The following ATXN1L variants were observed in gnomAD, a reference collection of about 807,000 sequenced individuals.
ATXN1L encodes the protein ataxin-1-like.
In ATXN1L, 8 loss-of-function variants were observed where a neutral mutation model predicts 43.4. The ratio of observed to expected loss-of-function variants is 0.18; its 90% CI spans 0.11 to 0.33. The LOEUF (loss-of-function observed/expected upper bound fraction) is 0.33, where lower values mean the gene tolerates loss of function less well. ATXN1L is among the 10% of genes least tolerant of loss of function. ATXN1L has a pLI of 1.00. For synonymous variants in ATXN1L, 379 were observed against 360.6 expected, an observed-to-expected ratio of 1.05 and a Z score of -0.58; for missense variants, 856 against 885.4, an observed-to-expected ratio of 0.97 and a Z score of 0.42.
intron 2 of ATXN1L, chr16:71,848,389 G>A: frequency 4.9e-6 from 1 of 202,122 alleles, no homozygotes; most frequent in South Asian, 6.2e-5. Context: ...AGTGGTGCCT[G>A]GAGCAGACCT....
In ATXN1L at chr16:71,851,626, G is replaced by C; in HGVS notation, c.1886G>C (p.Gly629Ala). The change falls in exon 3 of 3, where the codon GGA (glycine) becomes GCA (alanine). Residue 629 changes from glycine (G) to alanine (A), a missense_variant. By Grantham distance (60) the Gly-to-Ala change is moderately conservative (BLOSUM62 0). This residue lies in a region of ATXN1L where 185 missense variants were observed against 176.8 expected (regional missense o/e 1.05). Transcript: ENST00000427980. The surrounding 1 kb of genome is among the most constrained non-coding windows in gnomAD (Gnocchi z 4.9). ...AGTGAGGGGAAGAGCCAGCCGGCAGGAGAGGGCTCCCGTGTGGTAGAGCCT... is the reference window on the plus strand; with the variant it reads ...AGTGAGGGGAAGAGCCAGCCGGCAGCAGAGGGCTCCCGTGTGGTAGAGCCT... ...CDSEGKSQPA[G>A]EGSRVVEPSQ... 2 of 1,538,250 alleles carry C rather than the reference G, an allele frequency of 1.3e-6. No homozygotes were observed. The highest frequency in any genetic ancestry group is 1.8e-6 in the Non-Finnish European group (2 of 1,137,058).
chr16:71,847,944 A>C (rs1455535748), intron 1 of ATXN1L, 66 bp from the exon 2 acceptor site: 1 of 445,464 alleles, frequency 2.2e-6, no homozygotes, highest in Non-Finnish European at 4.5e-6. Flanking sequence ...ATTACCTTTC[A>C]TGGTGACCCT....
intron 1 of ATXN1L, among the ~76,000 whole-genome samples, chr16:71,846,671 C>T (rs2033447045): frequency 6.6e-6 from 1 of 152,202 alleles, no homozygotes; most frequent in South Asian, 2.1e-4. Context: ...AGCCTGTTAG[C>T]TCGGTTGGGG....
In ATXN1L at chr16:71,851,372, C is replaced by T. The variant is rs2142322749; in HGVS notation, c.1632C>T (p.Pro544=). 6.4e-7 allele frequency: 1 copy of T among 1,551,614 alleles called. No individual in the cohort carries two copies. The highest frequency in any genetic ancestry group is 1.2e-5 in the South Asian group (1 of 84,050). Residue 544 remains proline (P), a synonymous_variant, in exon 3 of 3, where the codon CCC becomes CCT. Transcript: ENST00000427980. The surrounding 1 kb of genome is among the most constrained non-coding windows in gnomAD (Gnocchi z 4.9). ...GCATCGAAGTGCCCCCCGAGCACCCCTTCTTTGTATATGGCCAGGGTTGGT... is the reference window on the plus strand; with the variant it reads ...GCATCGAAGTGCCCCCCGAGCACCCTTTCTTTGTATATGGCCAGGGTTGGT... ...KVSIEVPPEH[P]FFVYGQGWSS...
rs1472135035 is a variant in ATXN1L, at chr16:71,850,067, G to A, written c.327G>A (p.Thr109=). The change falls in exon 3 of 3, where the codon ACG becomes ACA. Residue 109 remains threonine (T), a synonymous_variant. Transcript: ENST00000427980. Reference sequence around the variant, plus strand: ...TGAATATGAGTCCCTTGCCCCCAACGTTTAATGTAGCGTCTTCACTAATTC... The same window carrying A: ...TGAATATGAGTCCCTTGCCCCCAACATTTAATGTAGCGTCTTCACTAATTC... ...SVVNMSPLPP[T]FNVASSLIQH... is the part of the protein sequence containing the mutation. The A allele has an allele frequency of 3.2e-6, 5 of 1,551,662 alleles. No homozygotes were observed. The highest frequency in any genetic ancestry group is 3.5e-6 in the Non-Finnish European group (4 of 1,146,996).
In ATXN1L at chr16:71,850,153, A is replaced by C. The variant is rs1363439019; in HGVS notation, c.413A>C (p.Gln138Pro). ...HYAQLPSTSLQFIGSPYSLPY... is the reference protein window; with the variant it reads ...HYAQLPSTSLPFIGSPYSLPY... ...GCTCAGCTCCCATCCACCTCGCTGC[A>C]GTTCATTGGGTCTCCTTATAGCCTT... The change falls in exon 3 of 3, where the codon CAG becomes CCG. Residue 138 changes from glutamine to proline, a missense_variant. Transcript: ENST00000427980. The C allele has an allele frequency of 1.9e-6, 3 of 1,551,734 alleles. No individual in the cohort carries two copies.
chr16:71,848,448 A>G (rs2033465710), intron 2 of ATXN1L: 1 of 160,448 alleles, frequency 6.2e-6, no homozygotes, highest in Admixed American at 6.4e-5. Flanking sequence ...GAAAAAAGAA[A>G]GGGAATGAAT....
Position 71,850,878 on chromosome 16 carries a change from G to A in ATXN1L, c.1138G>A (p.Ala380Thr). 6.4e-7 allele frequency: 1 copy of A among 1,551,730 alleles called. No homozygotes were observed. The highest frequency in any genetic ancestry group is 2.4e-5 in the East Asian group (1 of 40,922). The change falls in exon 3 of 3, where the codon GCC (alanine) becomes ACC (threonine). Residue 380 changes from alanine (A) to threonine (T), a missense_variant. Around this residue, in one of 7 missense-constraint regions of ATXN1L, gnomAD observed 490 missense variants for 449.4 expected, o/e 1.09. Transcript: ENST00000427980. The part of the protein sequence containing the change: ...PDHQGEGRGS[A>T]RNPAELAEKS... ...CCATCAGGGTGAGGGGCGAGGGTCAGCCAGGAACCCTGCAGAGCTGGCAGA... is the reference window on the plus strand; with the variant it reads ...CCATCAGGGTGAGGGGCGAGGGTCAACCAGGAACCCTGCAGAGCTGGCAGA...
chr16:71,851,559 A>G lies in ATXN1L; in HGVS notation c.1819A>G (p.Arg607Gly). ...AAGCCAGCTGGGTCCCCCCCGAGAA[A>G]GGCCTGAGAGGACGGTCTTGGGATC... is the stretch of plus-strand genomic sequence containing the variant. ...PPSQLGPPRE[R>G]PERTVLGSRE... The change falls in exon 3 of 3, where the codon AGG (arginine) becomes GGG (glycine). Residue 607 changes from arginine to glycine, a missense_variant. Physicochemically the swap from Arg to Gly is moderately radical, Grantham distance 125 (BLOSUM62 -2). Transcript: ENST00000427980. This position sits in a 1 kb window ranked among gnomAD's most constrained non-coding sequence, Gnocchi z 4.9. 1 of 1,551,204 alleles carries G rather than the reference A, an allele frequency of 6.4e-7. No individual in the cohort carries two copies. The highest frequency in any genetic ancestry group is 8.7e-7 in the Non-Finnish European group (1 of 1,146,878).
chr16:71,846,993 C>T (rs1016619473), intron 1 of ATXN1L, among the ~76,000 whole-genome samples: 4 of 152,026 alleles, frequency 2.6e-5, no homozygotes, highest in African/African-American at 9.7e-5. Context: ...ATTAAAGCTG[C>T]TGGTGGAGAA....
chr16:71,851,020 C>T lies in ATXN1L; in HGVS notation c.1280C>T (p.Ser427Leu). Residue 427 changes from serine (S) to leucine (L), a missense_variant, in exon 3 of 3, where the codon TCA (serine) becomes TTA (leucine). Physicochemically the swap from Ser to Leu is moderately radical, Grantham distance 145. This residue lies in a region of ATXN1L where 490 missense variants were observed against 449.4 expected (regional missense o/e 1.09). Coordinates refer to ENST00000427980, the MANE Select transcript of ATXN1L (RefSeq NM_001137675.4). This position sits in a 1 kb window ranked among gnomAD's most constrained non-coding sequence, Gnocchi z 4.9. Reference sequence around the variant, plus strand: ...AACCTGGTGCCCACTGGAACTGACTCAGGCCTGCTGCCTGTGGGCTCGGAG... The same window carrying T: ...AACCTGGTGCCCACTGGAACTGACTTAGGCCTGCTGCCTGTGGGCTCGGAG... ...NGNLVPTGTD[S>L]GLLPVGSEIL... The T allele has an allele frequency of 6.4e-7, 1 of 1,551,724 alleles. No homozygotes were observed. The highest frequency in any genetic ancestry group is 8.7e-7 in the Non-Finnish European group (1 of 1,147,000).
intron 2 of ATXN1L, chr16:71,848,278 G>A (rs2033463394): frequency 3.4e-6 from 1 of 297,882 alleles, no homozygotes; most frequent in Non-Finnish European, 6.7e-6. Context: ...ATTTGTGAAA[G>A]GTGACAATAA....
chr16:71,851,430 T>C lies in ATXN1L; in HGVS notation c.1690T>C (p.Phe564Leu). 1.3e-6 allele frequency: 2 copies of C among 1,551,622 alleles called. No individual in the cohort carries two copies. The highest frequency in any genetic ancestry group is 1.7e-6 in the Non-Finnish European group (2 of 1,146,974). ...SCSPGRTTQL[F>L]SLPCHRLQVG... ...CAGCCCTGGGCGGACGACACAACTC[T>C]TCTCTCTGCCCTGCCATCGGCTACA... is the stretch of plus-strand genomic sequence containing the variant. The change falls in exon 3 of 3, where the codon TTC becomes CTC. Residue 564 changes from phenylalanine to leucine, a missense_variant. Transcript: ENST00000427980. This position sits in a 1 kb window ranked among gnomAD's most constrained non-coding sequence, Gnocchi z 4.9.
rs908626681 is a variant in ATXN1L, at chr16:71,855,692, C to T, written c.*3882C>T. On this transcript the variant is annotated 3_prime_UTR_variant, in exon 3 of 3. Transcript: ENST00000427980. ...TCCATTGGAGTAAAGATAACCTAGT[C>T]GATTGAATTGGCCATGGGAAGTTAG... The T allele has an allele frequency of 1.8e-5, 3 of 166,974 alleles. No individual in the cohort carries two copies. Among genetic ancestry groups the T allele is most frequent in the African/African-American group, 4.8e-5 (2 of 41,384 alleles). 10.3% of individuals were successfully genotyped at this position (166,974 alleles called of 1,614,324 possible). A position where few individuals can be genotyped will look rare whatever the true frequency, so the allele number is the denominator to read the frequency against.
rs1219728909 is a variant in ATXN1L, at chr16:71,853,661, G to A, written c.*1851G>A. On this transcript the variant is annotated 3_prime_UTR_variant, in exon 3 of 3. Coordinates refer to ENST00000427980, the MANE Select transcript of ATXN1L (RefSeq NM_001137675.4). ...ATCTTACCTACCTCCTGGGGGGAGG[G>A]GAAGTTCTGAGAATGGAGTCATTCT... is the stretch of plus-strand genomic sequence containing the variant. 7 of 166,932 alleles carry A rather than the reference G, an allele frequency of 4.2e-5. No homozygotes were observed. The highest frequency in any genetic ancestry group is 1.7e-4 in the African/African-American group (7 of 41,396). 10.3% of individuals were successfully genotyped at this position (166,932 alleles called of 1,614,324 possible).
intron 1 of ATXN1L, among the ~76,000 whole-genome samples, chr16:71,847,072 T>G (rs942628399): frequency 2.6e-5 from 4 of 152,222 alleles, no homozygotes; most frequent in African/African-American, 9.6e-5. Flanking sequence ...TTTCCCACTG[T>G]GTTTTCCTAT....
At position 71,847,540 on chromosome 16, in the gene ATXN1L, A is replaced by T. The variant is rs549262362; in HGVS notation, c.-179-470A>T. Among the ~76,000 whole-genome samples the T allele has an allele frequency of 5.3e-5, 8 of 151,730 alleles. No individual in the cohort carries two copies. In the South Asian group the frequency reaches 1.7e-3, roughly 32 times the overall value. On this transcript the variant is annotated intron_variant, in intron 1 of 2. Transcript: ENST00000427980. ...CATAAATAATTGTTCTTTTTCATCT[A>T]CTGCTGCTTTTTTTCATTTAAATAA...
rs2033508470 is a variant in ATXN1L at position 71,851,927 on chromosome 16, G to T, written c.*117G>T. Reference sequence around the variant, plus strand: ...ATGGCTTTCTTGGCAGTGAGATTTGGGGGAAAGGGGAGGCATGAAGTCAGC... The same window carrying T: ...ATGGCTTTCTTGGCAGTGAGATTTGTGGGAAAGGGGAGGCATGAAGTCAGC... On this transcript the variant is annotated 3_prime_UTR_variant, in exon 3 of 3. Transcript: ENST00000427980. This position sits in a 1 kb window ranked among gnomAD's most constrained non-coding sequence, Gnocchi z 4.9. The T allele has an allele frequency of 8.3e-7, 1 of 1,203,646 alleles. No individual in the cohort carries two copies. 74.6% of individuals were successfully genotyped at this position (1,203,646 alleles called of 1,614,324 possible).
At position 71,855,820 on chromosome 16, in the gene ATXN1L, C is replaced by T. The variant is rs991251926; in HGVS notation, c.*4010C>T. The T allele has an allele frequency of 6.0e-6, 1 of 167,052 alleles. No individual in the cohort carries two copies. Among genetic ancestry groups the T allele is most frequent in the Admixed American group, 6.5e-5 (1 of 15,276 alleles). The allele number at this position is 167,052 out of a possible 1,614,324, so 10.3% of individuals were successfully genotyped here. ...ACTAAACCACACTGAAGCTATAGTACCTTCCAGATGGGCAAAAGTGTACAC... is the reference window on the plus strand; with the variant it reads ...ACTAAACCACACTGAAGCTATAGTATCTTCCAGATGGGCAAAAGTGTACAC... On this transcript the variant is annotated 3_prime_UTR_variant, in exon 3 of 3. Coordinates refer to ENST00000427980, the MANE Select transcript of ATXN1L (RefSeq NM_001137675.4).
Sources: allele counts gnomAD v4.1 joint callset (sites outside exome capture counted in the v4.1 genomes callset), GRCh38; gene constraint gnomAD v4.1.1; regional missense constraint gnomAD v4.1.1; non-coding constraint Gnocchi (gnomAD v3.1); transcripts MANE v1.5; gene names NCBI Gene and HGNC (gene_info 2026-07-23, HGNC 2026-07-21).